The following TMPRSS15 variants were observed in gnomAD, a reference collection of about 807,000 sequenced individuals.
TMPRSS15 encodes enteropeptidase.
Under a neutral mutation model 125.3 loss-of-function variants are expected in TMPRSS15, and 128 were observed. That is an observed-to-expected ratio of 1.02 (90% confidence interval 0.89 to 1.18). TMPRSS15 has a LOEUF of 1.18. Among genes scored for constraint, TMPRSS15 ranks in the 50% most tolerant of loss-of-function variants. The pLI, the probability that TMPRSS15 is intolerant of heterozygous loss-of-function variation, is 0.00. For synonymous variants in TMPRSS15, 446 were observed against 423.2 expected (o/e 1.05, Z -0.66); for missense variants, 1,283 against 1,212.7 (o/e 1.06, Z -0.86).
chr21:18,326,934 C>T (rs1300758149), intron 15 of TMPRSS15, among the ~76,000 whole-genome samples: 2 of 152,240 alleles, frequency 1.3e-5, no homozygotes, highest in Non-Finnish European at 2.9e-5. Flanking sequence ...GTCACCTTTA[C>T]TAAATTTTTG....
At chr21:18,275,025 C>T (rs1010380011) in intron 24 of TMPRSS15, among the ~76,000 whole-genome samples, 172 bp downstream of exon 24, 40 of 152,120 alleles carry the variant, frequency 2.6e-4, no homozygotes, top group Admixed American at 1.5e-3. Context: ...ATTTTTGTTT[C>T]CAGTGCTCAG....
At chr21:18,330,924 T>A (rs1466559126) in intron 14 of TMPRSS15, among the ~76,000 whole-genome samples, 1 of 151,826 alleles carries the variant, frequency 6.6e-6, no homozygotes, top group African/African-American at 2.4e-5. Flanking sequence ...TACAAAAAAA[T>A]TAGCGGGGCC....
chr21:18,334,405 GCATGTTATCT>G (rs1363929665), intron 13 of TMPRSS15, among the ~76,000 whole-genome samples: 10 of 152,148 alleles, frequency 6.6e-5, no homozygotes, highest in Admixed American at 6.5e-4. Context: ...GTGCTTCCAT[GCATGTTATCT>G]CATATGGGGA....
chr21:18,286,414 T>C (rs1017142603), intron 21 of TMPRSS15, among the ~76,000 whole-genome samples: 7 of 152,212 alleles, frequency 4.6e-5, no homozygotes, highest in East Asian at 3.8e-4. Context: ...GCTGACATCA[T>C]TGGCTGATAC....
In TMPRSS15 at chr21:18,326,556, A is replaced by G; in HGVS notation, c.1797T>C (p.Pro599=). Residue 599 remains proline, a synonymous_variant, in exon 16 of 25, where the codon CCT becomes CCC. Transcript: ENST00000284885. ...TAGAGAACACATCCTTTACTGGGCC[A>G]GGCCCTGTGTACACAGCTGTTCCAA... The part of the protein sequence containing the change: ...DSLLLAVYTG[P]GPVKDVFSTT... 2 of 1,614,154 alleles carry G rather than the reference A, an allele frequency of 1.2e-6. No individual in the cohort carries two copies. Among genetic ancestry groups the G allele is most frequent in the Non-Finnish European group, 1.7e-6 (2 of 1,179,972 alleles).
Position 18,313,665 on chromosome 21 carries a change from T to C in TMPRSS15, c.2033-588A>G, listed in dbSNP as rs568783342. On this transcript the variant is annotated intron_variant, in intron 17 of 24. Transcript: ENST00000284885. ...TTGATTGTAGTTTTTCTTAAGAGCA[T>C]GATGGAAGGTCTAATTTGAAAAATA... 6.0e-4 allele frequency among the ~76,000 whole-genome samples: 91 copies of C among 152,016 alleles called. 2 individuals carry two copies. The highest frequency in any genetic ancestry group is 1.7e-3 in the South Asian group (8 of 4,826).
intron 21 of TMPRSS15, among the ~76,000 whole-genome samples, chr21:18,293,212 C>A (rs1234904529): frequency 1.3e-5 from 2 of 152,222 alleles, no homozygotes; most frequent in Non-Finnish European, 1.5e-5. Flanking sequence ...ATCTCTGTGT[C>A]TGACAGTTGG....
chr21:18,382,586 G>T (rs977665194), intron 4 of TMPRSS15, among the ~76,000 whole-genome samples: 1 of 152,128 alleles, frequency 6.6e-6, no homozygotes, highest in Non-Finnish European at 1.5e-5. Context: ...CAAACATACC[G>T]ATTGATCTCA....
intron 19 of TMPRSS15, among the ~76,000 whole-genome samples, chr21:18,295,116 C>T (rs2074887789): frequency 6.6e-6 from 1 of 152,194 alleles, no homozygotes; most frequent in South Asian, 2.1e-4. Context: ...CCGTGCCCAA[C>T]ACCGTGTATG....
chr21:18,480,340 G>T (rs868461330), intron 1 of TMPRSS15, among the ~76,000 whole-genome samples: 1 of 151,834 alleles, frequency 6.6e-6, no homozygotes, highest in African/African-American at 2.4e-5. Context: ...CGTTCTCTTA[G>T]GTGGTGCTGT....
At chr21:18,468,533 C>CA (rs11357922) in intron 1 of TMPRSS15, among the ~76,000 whole-genome samples, 39 of 150,102 alleles carry the variant, frequency 2.6e-4, no homozygotes, top group African/African-American at 6.6e-4. Flanking sequence ...GTTTTTCAAA[C>CA]AAAAAAAAAA....
Position 18,269,897 on chromosome 21 carries a change from CACTT to C in TMPRSS15, c.*68_*71del, listed in dbSNP as rs1360422341. 3.8e-6 allele frequency: 6 copies of C among 1,574,120 alleles called. No homozygotes were observed. The highest frequency in any genetic ancestry group is 3.4e-5 in the South Asian group (3 of 87,524). Reference sequence around the variant, plus strand: ...AACTTTTTAAAATTTTTGTACGAAACACTTAATTTCCATGCTTTCTAGAGTAGAA... The same window carrying C: ...AACTTTTTAAAATTTTTGTACGAAACAATTTCCATGCTTTCTAGAGTAGAA... On this transcript the variant is annotated 3_prime_UTR_variant, in exon 25 of 25. Transcript: ENST00000284885.
At chr21:18,328,225 C>T (rs914955589) in intron 15 of TMPRSS15, among the ~76,000 whole-genome samples, 2 of 152,038 alleles carry the variant, frequency 1.3e-5, no homozygotes, top group Admixed American at 1.3e-4. Context: ...TACAAGAGTA[C>T]ACTCTCCCTA....
At chr21:18,271,219 T>C (rs926396114) in intron 24 of TMPRSS15, among the ~76,000 whole-genome samples, 4 of 152,228 alleles carry the variant, frequency 2.6e-5, no homozygotes, top group African/African-American at 9.6e-5. Flanking sequence ...AAACCCTTAA[T>C]CTGTAATTAT....
intron 1 of TMPRSS15, among the ~76,000 whole-genome samples, chr21:18,470,550 T>C (rs75664966): frequency 1.5e-3 from 226 of 152,216 alleles, no homozygotes; most frequent in African/African-American, 5.2e-3. Context: ...AAAGAAGCAG[T>C]ATATCTGAAA....
intron 1 of TMPRSS15, among the ~76,000 whole-genome samples, chr21:18,438,496 A>T (rs966987225): frequency 3.3e-5 from 5 of 152,162 alleles, no homozygotes; most frequent in Non-Finnish European, 7.4e-5. Context: ...AACAAAAAAC[A>T]TTATTAATTT....
chr21:18,321,443 C>A (rs890609556), intron 16 of TMPRSS15, among the ~76,000 whole-genome samples: 1 of 149,524 alleles, frequency 6.7e-6, no homozygotes, highest in Non-Finnish European at 1.5e-5. Flanking sequence ...AGCTCCACCT[C>A]CCGGGTTCAC....
intron 12 of TMPRSS15, among the ~76,000 whole-genome samples, chr21:18,343,301 T>G (rs557208567): frequency 6.6e-6 from 1 of 152,326 alleles, no homozygotes; most frequent in East Asian, 1.9e-4. Flanking sequence ...CATTAGTACA[T>G]TGTTCCTCAA....
intron 21 of TMPRSS15, among the ~76,000 whole-genome samples, chr21:18,289,952 T>G (rs1005268236): frequency 2.6e-5 from 4 of 152,188 alleles, no homozygotes; most frequent in Non-Finnish European, 5.9e-5. Flanking sequence ...ATACTTAAGT[T>G]TATGCATTTT....
Sources: gnomAD v4.1 joint callset for allele counts (sites outside exome capture counted in the v4.1 genomes callset) on GRCh38, gnomAD v4.1.1 for gene constraint, MANE v1.5 for transcripts, NCBI Gene and HGNC (gene_info 2026-07-23, HGNC 2026-07-21) for gene names.